PRKCH: variants seen among roughly 807,000 people sequenced by gnomAD.
PRKCH encodes the protein protein kinase C eta type.
In PRKCH, 28 loss-of-function variants were observed where a neutral mutation model predicts 82.5. The observed-to-expected ratio is 0.34, with a 90% CI of 0.25 to 0.47. PRKCH has a LOEUF of 0.47. Among genes scored for constraint, PRKCH ranks in the 20% least tolerant of loss-of-function variants. The pLI is 1.00. For missense variants in PRKCH, 705 were observed against 881.8 expected, an observed-to-expected ratio of 0.80 and a Z score of 2.54; for synonymous variants, 322 against 327.4, an observed-to-expected ratio of 0.98 and a Z score of 0.18.
chr14:61,325,361 C>T (rs552400974), intron 1 of PRKCH, among the ~76,000 whole-genome samples: 2 of 152,296 alleles, frequency 1.3e-5, no homozygotes, highest in Non-Finnish European at 2.9e-5. Context: ...AAGAAGGCAA[C>T]TCAGTGGGGG....
chr14:61,485,756 T>A, intron 10 of PRKCH, 100 bp downstream of exon 10: 1 of 1,409,866 alleles, frequency 7.1e-7, no homozygotes, highest in Non-Finnish European at 9.6e-7. Flanking sequence ...TGAAACCTTT[T>A]TTGGAATTAA....
chr14:61,491,236 T>A (rs143654120), intron 10 of PRKCH, among the ~76,000 whole-genome samples: 1,803 of 152,340 alleles, frequency 0.012, 33 homozygotes, highest in African/African-American at 0.041. Context: ...TAGATAAAGA[T>A]GAAAGTAAAA....
At chr14:61,336,811 G>A (rs1160003673) in intron 1 of PRKCH, among the ~76,000 whole-genome samples, 2 of 152,180 alleles carry the variant, frequency 1.3e-5, no homozygotes, top group Non-Finnish European at 2.9e-5. Context: ...GCTCATGCCT[G>A]TAATTCCAGC....
At chr14:61,239,097 A>G (rs1216533545) in intron 1 of PRKCH, among the ~76,000 whole-genome samples, 2 of 152,296 alleles carry the variant, frequency 1.3e-5, no homozygotes, top group East Asian at 3.9e-4. Flanking sequence ...TATCAAGTTC[A>G]CCAGGCTCGC....
At chr14:61,454,587 G>A (rs1884674466) in intron 7 of PRKCH, among the ~76,000 whole-genome samples, 1 of 152,200 alleles carries the variant, frequency 6.6e-6, no homozygotes, top group Non-Finnish European at 1.5e-5. Context: ...CACAGCCCTG[G>A]AGTCCAGCAG....
At chr14:61,489,016 A>G (rs1471858974) in intron 10 of PRKCH, among the ~76,000 whole-genome samples, 1 of 152,204 alleles carries the variant, frequency 6.6e-6, no homozygotes, top group Non-Finnish European at 1.5e-5. Context: ...ATTTCACAGG[A>G]TAATTTAATT....
chr14:61,497,252 C>T (rs926786867), intron 10 of PRKCH, among the ~76,000 whole-genome samples: 1 of 152,074 alleles, frequency 6.6e-6, no homozygotes, highest in African/African-American at 2.4e-5. Context: ...GTTGTGGGAT[C>T]TTGATCAGGT....
chr14:61,531,888 C>T (rs749952384), intron 12 of PRKCH, among the ~76,000 whole-genome samples: 32 of 152,126 alleles, frequency 2.1e-4, no homozygotes, highest in Non-Finnish European at 5.9e-5. Flanking sequence ...AAAAAAGTCA[C>T]AGAGAAGGGC....
intron 12 of PRKCH, among the ~76,000 whole-genome samples, chr14:61,539,904 G>A (rs1214065231): frequency 6.6e-6 from 1 of 152,172 alleles, no homozygotes. Context: ...ATCACTTAAT[G>A]GTACTGAGTA....
chr14:61,226,136 C>A (rs2044694677), intron 1 of PRKCH, among the ~76,000 whole-genome samples: 1 of 152,152 alleles, frequency 6.6e-6, no homozygotes, highest in Admixed American at 6.5e-5. Context: ...TAACCGTAGG[C>A]AAATCATACC....
chr14:61,345,698 CTTA>C (rs1268259245), intron 1 of PRKCH, among the ~76,000 whole-genome samples: 1 of 152,156 alleles, frequency 6.6e-6, no homozygotes, highest in African/African-American at 2.4e-5. Flanking sequence ...TTCAGATTCT[CTTA>C]TTATCCTCCT....
chr14:61,533,029 T>C (rs2043060269), intron 12 of PRKCH, among the ~76,000 whole-genome samples: 1 of 152,238 alleles, frequency 6.6e-6, no homozygotes, highest in Non-Finnish European at 1.5e-5. Flanking sequence ...GGCTCTGGGC[T>C]CACAGTGCCG....
intron 1 of PRKCH, among the ~76,000 whole-genome samples, chr14:61,343,183 A>G (rs968757716): frequency 1.3e-5 from 2 of 152,142 alleles, no homozygotes; most frequent in African/African-American, 4.8e-5. Flanking sequence ...TGAGTCATCT[A>G]GTTTTGGAAC....
intron 1 of PRKCH, among the ~76,000 whole-genome samples, chr14:61,246,410 A>AT (rs1462749430): frequency 5.8e-5 from 1 of 17,316 alleles, no homozygotes; most frequent in African/African-American, 3.0e-4. Context: ...TCTGTCTCAA[A>AT]GAAAAAAAAA....
At chr14:61,441,027 C>T (rs1488554055) in intron 2 of PRKCH, among the ~76,000 whole-genome samples, 1 of 151,170 alleles carries the variant, frequency 6.6e-6, no homozygotes, top group East Asian at 1.9e-4. Flanking sequence ...AAGTGATCCT[C>T]CCTAGTAGCT....
intron 1 of PRKCH, among the ~76,000 whole-genome samples, chr14:61,216,553 G>A (rs1386660026): frequency 6.6e-6 from 1 of 152,152 alleles, no homozygotes; most frequent in Non-Finnish European, 1.5e-5. Context: ...GTGGACAGAA[G>A]GACAGAGATG....
chr14:61,411,497 G>A (rs1014121781), intron 2 of PRKCH, among the ~76,000 whole-genome samples: 6 of 152,244 alleles, frequency 3.9e-5, no homozygotes, highest in Admixed American at 6.5e-5. Flanking sequence ...ACAAAATATG[G>A]ACAAAATAAA....
intron 1 of PRKCH, among the ~76,000 whole-genome samples, chr14:61,222,825 C>A (rs1320124398): frequency 6.6e-6 from 1 of 152,194 alleles, no homozygotes; most frequent in Admixed American, 6.5e-5. Context: ...CCAAAGAGCT[C>A]TCATGAACTC....
chr14:61,267,818 T>C (rs1160407103), intron 1 of PRKCH, among the ~76,000 whole-genome samples: 1 of 152,194 alleles, frequency 6.6e-6, no homozygotes, highest in African/African-American at 2.4e-5. Flanking sequence ...AATCATAAGA[T>C]GCACCATTAC....
Sources: allele counts gnomAD v4.1 joint callset (sites outside exome capture counted in the v4.1 genomes callset), GRCh38; gene constraint gnomAD v4.1.1; transcripts MANE v1.5; gene names NCBI Gene and HGNC (gene_info 2026-07-23, HGNC 2026-07-21).